Variants in UBR4 observed in about 807,000 individuals in gnomAD.
The protein encoded by UBR4 is E3 ubiquitin-protein ligase UBR4.
A neutral mutation model predicts 575.6 loss-of-function variants in UBR4; 124 were observed. The ratio of observed to expected loss-of-function variants is 0.22; its 90% confidence interval spans 0.19 to 0.25. The LOEUF is 0.25. Ranked by LOEUF, UBR4 falls within the 10% of genes least tolerant of loss-of-function variation. The pLI is 1.00. For missense variants in UBR4, 4,818 were observed against 6,478.8 expected (o/e 0.74, Z 8.80); for synonymous variants, 2,455 against 2,473.7 (o/e 0.99, Z 0.22).
Position 19,099,581 on chromosome 1 carries a change from G to C in UBR4, c.13302+16C>G, listed in dbSNP as rs2078410333. ...AAAGTGAAACCACACCTCCAAACGA[G>C]AAAGCAGGCACATACCTCATTCGTG... is the stretch of plus-strand genomic sequence containing the variant. On this transcript the variant is annotated intron_variant, in intron 90 of 105. Transcript: ENST00000375254. 1.4e-5 allele frequency: 23 copies of C among 1,610,756 alleles called. No homozygotes were observed. The highest frequency in any genetic ancestry group is 1.9e-5 in the Non-Finnish European group (22 of 1,178,320).
At position 19,193,536 on chromosome 1, in the gene UBR4, A is replaced by G; in HGVS notation, c.1040T>C (p.Met347Thr). The G allele has an allele frequency of 2.5e-6, 4 of 1,614,074 alleles. No individual in the cohort carries two copies. The highest frequency in any genetic ancestry group is 2.5e-6 in the Non-Finnish European group (3 of 1,179,956). Residue 347 changes from methionine to threonine, a missense_variant, in exon 9 of 106, where the codon ATG becomes ACG. Coordinates refer to ENST00000375254, the MANE Select transcript of UBR4 (RefSeq NM_020765.3). ...GGCACTACCCACATGGAGGATGGCCATGCACGTTGCCACACTCACACCTGA... is the reference window on the plus strand; with the variant it reads ...GGCACTACCCACATGGAGGATGGCCGTGCACGTTGCCACACTCACACCTGA... ...LYAGVSVATC[M>T]AILHVGSAQQ...
chr1:19,177,382 G>T, intron 19 of UBR4, 79 bp downstream of exon 19: 1 of 1,550,986 alleles, frequency 6.4e-7, no homozygotes, highest in Non-Finnish European at 8.7e-7. Context: ...AGGTCATTTG[G>T]GCTGCGGATC....
intron 99 of UBR4, among the ~76,000 whole-genome samples, chr1:19,087,606 A>G (rs182840753): frequency 3.9e-5 from 6 of 152,358 alleles, no homozygotes; most frequent in Non-Finnish European, 7.4e-5. Flanking sequence ...AGCATTTGTC[A>G]TGATGATGAT....
intron 1 of UBR4, among the ~76,000 whole-genome samples, chr1:19,202,205 G>C (rs1344178295): frequency 6.6e-6 from 1 of 151,990 alleles, no homozygotes; most frequent in Admixed American, 6.6e-5. Context: ...AAAAAGATTG[G>C]GAAGGTGAAG....
At position 19,164,808 on chromosome 1, in the gene UBR4, C is replaced by T. The variant is rs778665482; in HGVS notation, c.4502G>A (p.Arg1501Gln). 31 of 1,613,732 alleles carry T rather than the reference C, an allele frequency of 1.9e-5. No individual in the cohort carries two copies. Among genetic ancestry groups the T allele is most frequent in the Non-Finnish European group, 2.4e-5 (28 of 1,179,770 alleles). The change falls in exon 32 of 106, where the codon CGG becomes CAG. Residue 1501 changes from arginine (R) to glutamine (Q), a missense_variant. Physicochemically the swap from Arg to Gln is conservative, Grantham distance 43. This residue lies in a region of UBR4 where 1,172 missense variants were observed against 1,259.7 expected (regional missense o/e 0.93). Transcript: ENST00000375254. ...LLQLLTTYIV[R>Q]ENSQVGEGVC... Reference sequence around the variant, plus strand: ...AATGTAGTTGTTCTACCTGTTTTCCCGAACAATGTATGTGGTCAGTAACTG... The same window carrying T: ...AATGTAGTTGTTCTACCTGTTTTCCTGAACAATGTATGTGGTCAGTAACTG...
rs1280917657 is a variant in UBR4, at chr1:19,114,851, C to T, written c.11162G>A (p.Cys3721Tyr). The T allele has an allele frequency of 6.2e-7, 1 of 1,614,208 alleles. No individual in the cohort carries two copies. Among genetic ancestry groups the T allele is most frequent in the Non-Finnish European group, 8.5e-7 (1 of 1,180,046 alleles). Residue 3721 changes from cysteine to tyrosine, a missense_variant, in exon 75 of 106, where the codon TGT becomes TAT. By Grantham distance (194) the Cys-to-Tyr change is radical. Transcript: ENST00000375254. ...FDFMLYAKPC[C>Y]AVDPIENEED... ...TTCATTCTCAATGGGATCCACTGCACAGCAAGGCTTGGCATAGAGCATGAA... is the reference window on the plus strand; with the variant it reads ...TTCATTCTCAATGGGATCCACTGCATAGCAAGGCTTGGCATAGAGCATGAA...
chr1:19,183,623 G>T (rs2091233588), intron 17 of UBR4, among the ~76,000 whole-genome samples, 188 bp downstream of exon 17: 1 of 152,222 alleles, frequency 6.6e-6, no homozygotes, highest in African/African-American at 2.4e-5. Context: ...TCTGGAGGCT[G>T]AGGCAGGAGA....
chr1:19,126,846 A>G (rs2081854798), intron 63 of UBR4, among the ~76,000 whole-genome samples, 191 bp from the exon 64 acceptor site: 1 of 152,250 alleles, frequency 6.6e-6, no homozygotes, highest in African/African-American at 2.4e-5. Context: ...TTGAACAACC[A>G]CATGGTAAGA....
chr1:19,183,964 G>T, intron 16 of UBR4, 52 bp downstream of exon 16: 1 of 1,613,744 alleles, frequency 6.2e-7, no homozygotes, highest in Non-Finnish European at 8.5e-7. Context: ...CCTGCCAACA[G>T]CCAAACTCCA....
In UBR4 at chr1:19,095,189, C is replaced by T. The variant is rs546094432; in HGVS notation, c.13627-164G>A. On this transcript the variant is annotated intron_variant, in intron 93 of 105. Transcript: ENST00000375254. Reference sequence around the variant, plus strand: ...GTATATGCATGTTCTGAGAGGGAGACAAGCGTGTGAGCTTTTGATGACAGG... The same window carrying T: ...GTATATGCATGTTCTGAGAGGGAGATAAGCGTGTGAGCTTTTGATGACAGG... Among the ~76,000 whole-genome samples the T allele has an allele frequency of 2.0e-5, 3 of 152,356 alleles. No homozygotes were observed. In the South Asian group the frequency reaches 6.2e-4, roughly 32 times the overall value.
intron 77 of UBR4, 161 bp from the exon 78 acceptor site, chr1:19,113,028 A>C: frequency 1.3e-6 from 1 of 741,084 alleles, no homozygotes; most frequent in South Asian, 2.2e-5. Context: ...CATTTTACAG[A>C]GAAGGAAACT....
chr1:19,081,606 AG>A (rs2076511855), intron 102 of UBR4, 33 bp from the exon 103 acceptor site: 2 of 1,612,500 alleles, frequency 1.2e-6, no homozygotes, highest in South Asian at 2.2e-5. Flanking sequence ...AAATAAAAGC[AG>A]GGTGGAAGCA....
rs1402461261 is a variant in UBR4, at chr1:19,076,733, C to T, written c.15487+7G>A. On this transcript the variant is annotated splice_region_variant and intron_variant, in intron 105 of 105. Coordinates refer to ENST00000375254, the MANE Select transcript of UBR4 (RefSeq NM_020765.3). ...GGATCTTTAAAAGAGAAAACCTTGACACTAACCGGCCACATCGAGGAACTC... is the reference window on the plus strand; with the variant it reads ...GGATCTTTAAAAGAGAAAACCTTGATACTAACCGGCCACATCGAGGAACTC... The T allele has an allele frequency of 1.2e-6, 2 of 1,614,148 alleles. No homozygotes were observed. The highest frequency in any genetic ancestry group is 3.3e-5 in the Admixed American group (2 of 60,016).
Position 19,096,480 on chromosome 1 carries a change from G to T in UBR4, c.13518+43C>A, listed in dbSNP as rs190824128. 2.7e-5 allele frequency: 43 copies of T among 1,599,768 alleles called. No homozygotes were observed. In the Admixed American group the frequency reaches 7.2e-4, roughly 27 times the overall value. On this transcript the variant is annotated intron_variant, in intron 92 of 105. Transcript: ENST00000375254. ...CTTCTTTCCACAGGGGCCTCTCCCA[G>T]TGCAGAAAGGCTGGCCCCCACAACT...
At position 19,088,997 on chromosome 1, in the gene UBR4, G is replaced by A. The variant is rs149224802; in HGVS notation, c.14212-20C>T. 1.0e-3 allele frequency: 1,675 copies of A among 1,611,108 alleles called. 7 individuals carry two copies. In the African/African-American group the frequency reaches 0.013, roughly 12 times the overall value. On this transcript the variant is annotated intron_variant, in intron 97 of 105. Transcript: ENST00000375254. This position sits in a 1 kb window ranked among gnomAD's most constrained non-coding sequence, Gnocchi z 4.0. Reference sequence around the variant, plus strand: ...CAGAACCTGCCAGTAAGAGACCAGAGAGACACATGCCTCCAATTATGTAGA... The same window carrying A: ...CAGAACCTGCCAGTAAGAGACCAGAAAGACACATGCCTCCAATTATGTAGA...
At chr1:19,155,202 G>A (rs2086279849) in intron 43 of UBR4, 127 bp from the exon 44 acceptor site, 2 of 1,333,988 alleles carry the variant, frequency 1.5e-6, no homozygotes, top group East Asian at 2.3e-5. Flanking sequence ...GATCCCTGTG[G>A]GTAAATCTTA....
chr1:19,115,253 T>C, intron 74 of UBR4, 145 bp downstream of exon 74: 1 of 1,257,664 alleles, frequency 8.0e-7, no homozygotes, highest in Non-Finnish European at 1.1e-6. Flanking sequence ...CTCCTCCCTT[T>C]CTACCCTTGA....
rs200559246 is a variant in UBR4, at chr1:19,161,035, G to A, written c.5288C>T (p.Ser1763Leu). Residue 1763 changes from serine to leucine, a missense_variant, in exon 38 of 106, where the codon TCG becomes TTG. By Grantham distance (145) the Ser-to-Leu change is moderately radical. Transcript: ENST00000375254. ...ESLVRHASTSSPADKAKVTIS... is the reference protein window; with the variant it reads ...ESLVRHASTSLPADKAKVTIS... ...GGTAACCTTGGCTTTGTCAGCTGGC[G>A]AGGAGGTGCTGGCATGACGCACTAG... 2.3e-4 allele frequency: 375 copies of A among 1,614,154 alleles called. No individual in the cohort carries two copies. Among genetic ancestry groups the A allele is most frequent in the Middle Eastern group, 3.3e-4 (2 of 6,062 alleles).
At chr1:19,097,711 T>C (rs1264246259) in intron 90 of UBR4, among the ~76,000 whole-genome samples, 1 of 152,244 alleles carries the variant, frequency 6.6e-6, no homozygotes, top group Non-Finnish European at 1.5e-5. Context: ...GAGTAGAAAC[T>C]GTCTCCAATC....
Sources: gnomAD v4.1 joint callset for allele counts (sites outside exome capture counted in the v4.1 genomes callset) on GRCh38, gnomAD v4.1.1 for gene constraint, gnomAD v4.1.1 regional missense constraint, Gnocchi (gnomAD v3.1) non-coding constraint, MANE v1.5 for transcripts, NCBI Gene and HGNC (gene_info 2026-07-23, HGNC 2026-07-21) for gene names.